The following LINGO1 variants were observed in gnomAD, a reference collection of about 807,000 sequenced individuals.
The protein encoded by LINGO1 is leucine-rich repeat and immunoglobulin-like domain-containing nogo receptor-interacting protein 1.
Under a neutral mutation model 37.3 loss-of-function variants are expected in LINGO1, and 11 were observed. That is an observed-to-expected ratio of 0.29 (90% CI 0.19 to 0.49). The LOEUF is 0.49. Ranked by LOEUF, LINGO1 falls within the 20% of genes least tolerant of loss-of-function variation. The probability of loss-of-function intolerance (pLI) is 0.99; values close to 1 mark genes in which losing one functional copy is unlikely to be tolerated. For missense variants in LINGO1, 585 were observed against 878.2 expected, an observed-to-expected ratio of 0.67 and a Z score of 4.22; for synonymous variants, 387 against 403.0, an observed-to-expected ratio of 0.96 and a Z score of 0.48.
intron 1 of LINGO1, among the ~76,000 whole-genome samples, chr15:77,774,240 T>A (rs936836856): frequency 6.6e-6 from 1 of 150,994 alleles, no homozygotes; most frequent in African/African-American, 2.4e-5. Flanking sequence ...GGAATGGGGG[T>A]CTTCATTCAC....
At chr15:77,616,347 C>T (rs1324124588) in intron 1 of LINGO1, among the ~76,000 whole-genome samples, 2 of 152,190 alleles carry the variant, frequency 1.3e-5, no homozygotes, top group Non-Finnish European at 2.9e-5. Flanking sequence ...CTAGGAACAG[C>T]CCCCAAGAAG....
Position 77,712,684 on chromosome 15 carries a change from C to G in LINGO1, c.-194-21783G>C, listed in dbSNP as rs528471475. On this transcript the variant is annotated intron_variant, in intron 2 of 3. Coordinates refer to the LINGO1 transcript ENST00000561686. The stretch of plus-strand genomic sequence containing the variant: ...CTCCCTTCCTCCATGTGACCCATCA[C>G]TCTCCACTGAGACCTCACTTTGTTT... 2.0e-5 allele frequency among the ~76,000 whole-genome samples: 3 copies of G among 152,344 alleles called. No individual in the cohort carries two copies. In the South Asian group the frequency reaches 6.2e-4, roughly 32 times the overall value.
At chr15:77,719,165 C>T (rs1471054412) in intron 2 of LINGO1, among the ~76,000 whole-genome samples, 2 of 149,616 alleles carry the variant, frequency 1.3e-5, no homozygotes, top group Admixed American at 6.7e-5. Context: ...CCTCCTGGGA[C>T]GTCCTCCTCA....
At chr15:77,713,869 T>C (rs2075951712) in intron 2 of LINGO1, among the ~76,000 whole-genome samples, 1 of 152,116 alleles carries the variant, frequency 6.6e-6, no homozygotes, top group African/African-American at 2.4e-5. Context: ...CTTCTCAGCC[T>C]CCTGTGAAGG....
At chr15:77,742,019 G>C (rs958681149) in intron 1 of LINGO1, among the ~76,000 whole-genome samples, 9 of 152,190 alleles carry the variant, frequency 5.9e-5, no homozygotes, top group African/African-American at 2.2e-4. Flanking sequence ...GCCAGGCAAA[G>C]GTGCTGAGCA....
chr15:77,722,454 C>T (rs957644394), intron 2 of LINGO1, among the ~76,000 whole-genome samples: 5 of 152,322 alleles, frequency 3.3e-5, no homozygotes, highest in Non-Finnish European at 7.4e-5. Context: ...AGTCAAGTGG[C>T]CCAGGTTCAA....
chr15:77,661,280 G>A (rs947440824), intron 3 of LINGO1, among the ~76,000 whole-genome samples: 4 of 152,158 alleles, frequency 2.6e-5, no homozygotes, highest in African/African-American at 7.2e-5. Flanking sequence ...TAAAGCAGGA[G>A]GGACTGTGGT....
rs540578145 is a variant in LINGO1, at chr15:77,799,704, C to A, written c.-457-3651G>T. ...CTGGGGTGAGCAGAGAACCAGTGAG[C>A]CCTGCTGGCCACCATTCTGACGGAA... On this transcript the variant is annotated intron_variant, in intron 1 of 5. Coordinates refer to the LINGO1 transcript ENST00000562933. Among the ~76,000 whole-genome samples the A allele has an allele frequency of 1.5e-4, 23 of 152,324 alleles. No homozygotes were observed. In the South Asian group the frequency reaches 4.6e-3, roughly 30 times the overall value.
At chr15:77,810,216 A>C (rs1339664739) in intron 1 of LINGO1, among the ~76,000 whole-genome samples, 1 of 148,912 alleles carries the variant, frequency 6.7e-6, no homozygotes, top group Non-Finnish European at 1.5e-5. Context: ...AACTAGGCAC[A>C]CACACAAACA....
intron 1 of LINGO1, among the ~76,000 whole-genome samples, chr15:77,620,472 C>A (rs1438823154): frequency 6.6e-6 from 1 of 152,232 alleles, no homozygotes; most frequent in Non-Finnish European, 1.5e-5. Flanking sequence ...CCACACCCTC[C>A]TTCATGTCCC....
intron 1 of LINGO1, among the ~76,000 whole-genome samples, chr15:77,740,060 G>T (rs2076247297): frequency 6.6e-6 from 1 of 152,266 alleles, no homozygotes; most frequent in Non-Finnish European, 1.5e-5. Context: ...GTAAAGCCTG[G>T]TGGCAGAGGC....
At chr15:77,742,628 T>C (rs1320715868) in intron 1 of LINGO1, among the ~76,000 whole-genome samples, 2 of 152,096 alleles carry the variant, frequency 1.3e-5, no homozygotes, top group South Asian at 2.1e-4. Context: ...CAAGAGAGCA[T>C]CCCTCCCAGC....
At chr15:77,697,318 C>T (rs147575263), upstream of LINGO1, among the ~76,000 whole-genome samples, 393 of 152,310 alleles carry the variant, frequency 2.6e-3, 2 homozygotes, top group African/African-American at 9.0e-3. Flanking sequence ...CTCAGGGCTC[C>T]TATGCCACCC....
chr15:77,700,732 C>T (rs576653925), upstream of LINGO1, among the ~76,000 whole-genome samples: 10 of 152,226 alleles, frequency 6.6e-5, no homozygotes, highest in South Asian at 4.2e-4. Flanking sequence ...TGAGCAGGGG[C>T]GGGTAGGGGA....
At chr15:77,817,238 C>A (rs2077056110) in intron 1 of LINGO1, among the ~76,000 whole-genome samples, 1 of 152,208 alleles carries the variant, frequency 6.6e-6, no homozygotes, top group South Asian at 2.1e-4. Context: ...CTGCCTGGGG[C>A]TGACAGCTCT....
At chr15:77,764,163 C>A (rs1422346541) in intron 1 of LINGO1, among the ~76,000 whole-genome samples, 2 of 152,232 alleles carry the variant, frequency 1.3e-5, no homozygotes, top group African/African-American at 4.8e-5. Flanking sequence ...ATCCCCACTC[C>A]GTCTGCGTTC....
At chr15:77,742,077 G>A (rs2076270126) in intron 1 of LINGO1, among the ~76,000 whole-genome samples, 1 of 152,194 alleles carries the variant, frequency 6.6e-6, no homozygotes, top group African/African-American at 2.4e-5. Flanking sequence ...AGCAGGGCGG[G>A]GCCTACTGCC....
At chr15:77,760,197 G>C (rs889359350) in intron 1 of LINGO1, among the ~76,000 whole-genome samples, 1 of 152,192 alleles carries the variant, frequency 6.6e-6, no homozygotes, top group South Asian at 2.1e-4. Flanking sequence ...GGTGCCTGCC[G>C]GGGTTGGGGT....
intron 3 of LINGO1, among the ~76,000 whole-genome samples, chr15:77,660,879 G>A (rs922159076): frequency 1.3e-5 from 2 of 152,214 alleles, no homozygotes; most frequent in African/African-American, 4.8e-5. Context: ...CGGGAGGGAT[G>A]GATGGAGGGC....
Sources: gnomAD v4.1 joint callset for allele counts (sites outside exome capture counted in the v4.1 genomes callset) on GRCh38, gnomAD v4.1.1 for gene constraint, MANE v1.5 for transcripts, NCBI Gene and HGNC (gene_info 2026-07-23, HGNC 2026-07-21) for gene names.